EPB41L5: variants seen among roughly 807,000 people sequenced by gnomAD.
The protein encoded by EPB41L5 is erythrocyte membrane protein band 4.1 like 5, also known as band 4.1-like protein 5.
EPB41L5 carries 55 observed loss-of-function variants against 106.6 expected under a neutral mutation model. The ratio of observed to expected loss-of-function variants is 0.52; its 90% CI spans 0.42 to 0.65. The LOEUF is 0.65. Among genes scored for constraint, EPB41L5 ranks in the 30% least tolerant of loss-of-function variants. EPB41L5 has a pLI of 0.00. For missense variants in EPB41L5, 871 were observed against 882.1 expected, an observed-to-expected ratio of 0.99 and a Z score of 0.16; for synonymous variants, 297 against 306.7, an observed-to-expected ratio of 0.97 and a Z score of 0.33.
At chr2:120,036,154 C>T (rs1359617799) in intron 2 of EPB41L5, among the ~76,000 whole-genome samples, 1 of 152,132 alleles carries the variant, frequency 6.6e-6, no homozygotes, top group Admixed American at 6.5e-5. Flanking sequence ...AAGTTTCTCA[C>T]CTCTAAAAAT....
In EPB41L5 at chr2:120,092,178, G is replaced by A. The variant is rs911218168; in HGVS notation, c.1150+517G>A. On this transcript the variant is annotated intron_variant, in intron 13 of 24. Coordinates refer to ENST00000263713, the MANE Select transcript of EPB41L5 (RefSeq NM_020909.4). ...TGAGTAGCTGGGATTACAGGCATGC[G>A]CCACCACTCCTGACTCATTTTTGTA... 5.9e-5 allele frequency among the ~76,000 whole-genome samples: 9 copies of A among 151,984 alleles called. No homozygotes were observed. The East Asian group carries it at 1.4e-3, about 23-fold the overall frequency.
intron 3 of EPB41L5, among the ~76,000 whole-genome samples, chr2:120,045,489 G>A: frequency 6.6e-6 from 1 of 152,110 alleles, no homozygotes; most frequent in East Asian, 1.9e-4. Context: ...TAGTGTATGT[G>A]TCCTGTAAGC....
At chr2:120,155,120 C>A (rs568774112) in intron 20 of EPB41L5, among the ~76,000 whole-genome samples, 1 of 152,104 alleles carries the variant, frequency 6.6e-6, no homozygotes. Context: ...TATATGGTTT[C>A]GAGTTACTGG....
At chr2:120,016,822 G>A (rs567227711) in intron 1 of EPB41L5, among the ~76,000 whole-genome samples, 39 of 152,060 alleles carry the variant, frequency 2.6e-4, no homozygotes, top group African/African-American at 9.2e-4. Context: ...TACAGTCTTA[G>A]GCAGCTGAAA....
chr2:120,049,386 T>C lies in EPB41L5; in HGVS notation c.285+7276T>C, dbSNP rs185205665. Among the ~76,000 whole-genome samples the C allele has an allele frequency of 7.7e-3, 1,168 of 152,354 alleles. 12 individuals are homozygous for C. The highest frequency in any genetic ancestry group is 0.027 in the African/African-American group (1,108 of 41,566). ...GTATATTTAGGATAGTTAGCTCTTC[T>C]TGTTGAATTGATCCCTTTACCATTA... On this transcript the variant is annotated intron_variant, in intron 3 of 24. Coordinates refer to ENST00000263713, the MANE Select transcript of EPB41L5 (RefSeq NM_020909.4).
intron 13 of EPB41L5, among the ~76,000 whole-genome samples, chr2:120,092,432 A>G (rs1318153894): frequency 3.9e-5 from 6 of 152,248 alleles, no homozygotes; most frequent in Non-Finnish European, 8.8e-5. Context: ...ATTGTTATAC[A>G]TAGACATTTC....
chr2:120,054,609 C>T (rs1440143155), intron 3 of EPB41L5, among the ~76,000 whole-genome samples: 1 of 151,572 alleles, frequency 6.6e-6, no homozygotes, highest in Non-Finnish European at 1.5e-5. Flanking sequence ...TCGAGCAGTT[C>T]TCCTGCCTCA....
intron 3 of EPB41L5, among the ~76,000 whole-genome samples, chr2:120,055,905 T>A (rs558004421): frequency 1.2e-4 from 18 of 152,202 alleles, no homozygotes; most frequent in Non-Finnish European, 1.6e-4. Flanking sequence ...TCCTTTAGAA[T>A]CTGGATGTCT....
rs564895025 is a variant in EPB41L5, at chr2:120,158,378, A to G, written c.1794-2503A>G. Among the ~76,000 whole-genome samples, 7 of 152,308 alleles carry G rather than the reference A, an allele frequency of 4.6e-5. No homozygotes were observed. In the East Asian group the frequency reaches 1.3e-3, roughly 29 times the overall value. On this transcript the variant is annotated intron_variant, in intron 20 of 24. Transcript: ENST00000263713. Reference sequence around the variant, plus strand: ...ATACGGGCAAACTGAATCCAGCAGCACATCAGTCCACCACAATCAAATAGC... The same window carrying G: ...ATACGGGCAAACTGAATCCAGCAGCGCATCAGTCCACCACAATCAAATAGC...
At chr2:120,053,695 G>T (rs951580915) in intron 3 of EPB41L5, among the ~76,000 whole-genome samples, 1 of 152,094 alleles carries the variant, frequency 6.6e-6, no homozygotes, top group Non-Finnish European at 1.5e-5. Flanking sequence ...ATATTCTATT[G>T]TATGAATATA....
intron 19 of EPB41L5, 23 bp from the exon 20 acceptor site, chr2:120,146,202 T>G (rs1482178223): frequency 1.4e-5 from 20 of 1,440,416 alleles, no homozygotes; most frequent in Non-Finnish European, 1.7e-5. Flanking sequence ...AGATTTACTT[T>G]TTTTAATATT....
intron 16 of EPB41L5, among the ~76,000 whole-genome samples, chr2:120,121,163 C>G (rs1451908272): frequency 6.6e-6 from 1 of 152,170 alleles, no homozygotes; most frequent in East Asian, 1.9e-4. Flanking sequence ...AGGGACTCTA[C>G]TATGGTCTGA....
chr2:120,016,460 G>A (rs2861027), intron 1 of EPB41L5, among the ~76,000 whole-genome samples: 96,148 of 151,664 alleles, frequency 0.63, 31,883 homozygotes, highest in Middle Eastern at 0.74. Context: ...AATATTAATA[G>A]CATGGTCAAG....
At chr2:120,068,119 C>T (rs1171230501) in intron 3 of EPB41L5, among the ~76,000 whole-genome samples, 1 of 152,154 alleles carries the variant, frequency 6.6e-6, no homozygotes, top group Admixed American at 6.6e-5. Flanking sequence ...ATGGGTGCAG[C>T]TCATGGAGGG....
At position 120,066,753 on chromosome 2, in the gene EPB41L5, A is replaced by G. The variant is rs1232235700; in HGVS notation, c.286-6425A>G. Among the ~76,000 whole-genome samples the G allele has an allele frequency of 5.3e-5, 8 of 152,326 alleles. No individual in the cohort carries two copies. The East Asian group carries it at 9.6e-4, about 18-fold the overall frequency. ...TAGTGCCCAGGTGACCAGCCATGGA[A>G]TATAGGACAACTCCCAGTTCCATGG... On this transcript the variant is annotated intron_variant, in intron 3 of 24. Coordinates refer to ENST00000263713, the MANE Select transcript of EPB41L5 (RefSeq NM_020909.4).
At chr2:120,099,452 G>T (rs1683999729) in intron 14 of EPB41L5, among the ~76,000 whole-genome samples, 1 of 151,270 alleles carries the variant, frequency 6.6e-6, no homozygotes, top group African/African-American at 2.4e-5. Context: ...TTTTGAGATG[G>T]AGTCTCGCCC....
intron 20 of EPB41L5, among the ~76,000 whole-genome samples, chr2:120,150,974 C>T (rs1310679205): frequency 6.6e-6 from 1 of 152,160 alleles, no homozygotes; most frequent in Non-Finnish European, 1.5e-5. Context: ...AGTTGCATAG[C>T]TTTGGCTAGA....
At chr2:120,087,280 A>C (rs894557468) in intron 11 of EPB41L5, 40 bp downstream of exon 11, 17 of 1,206,926 alleles carry the variant, frequency 1.4e-5, no homozygotes, top group East Asian at 4.7e-5. Flanking sequence ...TGTAACAGTG[A>C]CTGTATTATG....
At chr2:120,144,389 C>T in intron 19 of EPB41L5, among the ~76,000 whole-genome samples, 1 of 152,106 alleles carries the variant, frequency 6.6e-6, no homozygotes, top group Non-Finnish European at 1.5e-5. Context: ...ATTTATAGGC[C>T]ACTCAGATTA....
Sources: allele counts gnomAD v4.1 joint callset (sites outside exome capture counted in the v4.1 genomes callset), GRCh38; gene constraint gnomAD v4.1.1; transcripts MANE v1.5; gene names NCBI Gene and HGNC (gene_info 2026-07-23, HGNC 2026-07-21).